CPT1C: variants seen among roughly 807,000 people sequenced by gnomAD.
CPT1C encodes palmitoyl thioesterase CPT1C.
CPT1C carries 61 observed loss-of-function variants against 97.3 expected under a neutral mutation model. The ratio of observed to expected loss-of-function variants is 0.63; its 90% CI spans 0.51 to 0.78. CPT1C has a LOEUF of 0.78. Among genes scored for constraint, CPT1C ranks in the 30% least tolerant of loss-of-function variants. The pLI is 0.00. For missense variants in CPT1C, 975 were observed against 1,065.5 expected (o/e 0.92, Z 1.18); for synonymous variants, 469 against 447.2 (o/e 1.05, Z -0.61).
Position 49,713,517 on chromosome 19 carries a change from C to T in CPT1C, c.2324C>T (p.Ser775Leu), listed in dbSNP as rs772906026. ...CATTTTAAGCGCCGGTTCAGAGGGT[C>T]AGGGAAGGAGAACTCCAGGCACAGG... ...GQHFKRRFRG[S>L]GKENSRHRCG... is the part of the protein sequence containing the mutation. The change falls in exon 20 of 20, where the codon TCA (serine) becomes TTA (leucine). Residue 775 changes from serine (S) to leucine (L), a missense_variant. By Grantham distance (145) the Ser-to-Leu change is moderately radical. Transcript: ENST00000598293. 8.7e-6 allele frequency: 14 copies of T among 1,614,120 alleles called. No homozygotes were observed. The highest frequency in any genetic ancestry group is 1.1e-5 in the Non-Finnish European group (13 of 1,180,054).
In CPT1C at chr19:49,712,802, G is replaced by T; in HGVS notation, c.2086G>T (p.Val696Phe). The T allele has an allele frequency of 2.5e-6, 4 of 1,614,040 alleles. No homozygotes were observed. Among genetic ancestry groups the T allele is most frequent in the Non-Finnish European group, 3.4e-6 (4 of 1,179,994 alleles). The change falls in exon 18 of 20, where the codon GTC becomes TTC. Residue 696 changes from valine to phenylalanine, a missense_variant. Physicochemically the swap from Val to Phe is conservative, Grantham distance 50. Coordinates refer to ENST00000598293, the MANE Select transcript of CPT1C (RefSeq NM_001199753.2). The stretch of plus-strand genomic sequence containing the variant: ...TGTTCAGCAAATGCATCTGTTTGAC[G>T]TCCACAATTACCCGGACTATGTTTC... The part of the protein sequence containing the change: ...IPVQQMHLFD[V>F]HNYPDYVSSG...
rs1349568107 is a variant in CPT1C at position 49,697,414 on chromosome 19, T to A, written c.230T>A (p.Leu77Gln). 3.1e-6 allele frequency: 5 copies of A among 1,614,092 alleles called. No individual in the cohort carries two copies. The highest frequency in any genetic ancestry group is 4.2e-6 in the Non-Finnish European group (5 of 1,180,038). ...SAIQLAWFLQ[L>Q]DPSLGLMEKI... is the part of the protein sequence containing the mutation. ...ATCCAGCTTGCCTGGTTCCTCCAGC[T>A]GGATCCTTCCTTAGGACTGATGGAG... The change falls in exon 4 of 20, where the codon CTG becomes CAG. Residue 77 changes from leucine to glutamine, a missense_variant. Leu to Gln is a moderately radical substitution (Grantham distance 113, BLOSUM62 -2). This residue lies in a region of CPT1C where 596 missense variants were observed against 603.1 expected (regional missense o/e 0.99). Coordinates refer to ENST00000598293, the MANE Select transcript of CPT1C (RefSeq NM_001199753.2).
Position 49,712,861 on chromosome 19 carries a change from T to TG in CPT1C, c.2133+15dup, listed in dbSNP as rs56405217. 1 allele frequency: 1,610,277 copies of TG among 1,610,416 alleles called. 805,070 individuals are homozygous for TG. Among genetic ancestry groups the TG allele is most frequent in the Middle Eastern group, 1 (6,048 of 6,048 alleles). The stretch of plus-strand genomic sequence containing the variant: ...GTGGATTCGGGCCTGTGAGTGGAGC[T>TG]GGGCGCGCTGGCCCCCAGAGGAAAG... On this transcript the variant is annotated intron_variant, in intron 18 of 19. Transcript: ENST00000598293.
chr19:49,694,628 CAA>C (rs1160047948), intron 3 of CPT1C, among the ~76,000 whole-genome samples: 31 of 64,800 alleles, frequency 4.8e-4, no homozygotes, highest in East Asian at 1.6e-3. Flanking sequence ...GACTCCGTTT[CAA>C]AAAAAAAAAA....
chr19:49,699,025 C>T (rs1344295129), intron 4 of CPT1C, among the ~76,000 whole-genome samples: 1 of 151,734 alleles, frequency 6.6e-6, no homozygotes, highest in African/African-American at 2.4e-5. Context: ...ATTGTTTGAA[C>T]CTGGGAGGCG....
intron 3 of CPT1C, among the ~76,000 whole-genome samples, chr19:49,695,858 C>G (rs537029265): frequency 4.0e-5 from 6 of 150,956 alleles, no homozygotes; most frequent in Non-Finnish European, 8.8e-5. Flanking sequence ...TGGGATTACA[C>G]GCATAAGCCA....
intron 4 of CPT1C, among the ~76,000 whole-genome samples, chr19:49,698,184 G>A (rs2082778564): frequency 6.6e-6 from 1 of 151,864 alleles, no homozygotes; most frequent in Non-Finnish European, 1.5e-5. Context: ...AAGCAACATG[G>A]TGAAACCCCG....
At position 49,706,667 on chromosome 19, in the gene CPT1C, C is replaced by T. The variant is rs1248507965; in HGVS notation, c.1343+254C>T. Among the ~76,000 whole-genome samples, 2 of 152,084 alleles carry T rather than the reference C, an allele frequency of 1.3e-5. No individual in the cohort carries two copies. The highest frequency in any genetic ancestry group is 6.6e-5 in the Admixed American group (1 of 15,256). On this transcript the variant is annotated intron_variant, in intron 12 of 19. Transcript: ENST00000598293. The surrounding 1 kb of genome is among the most constrained non-coding windows in gnomAD (Gnocchi z 4.8). ...GACCCCCAAATCTGAGACTCCCAAA[C>T]CCCTGAGCTGGACCCTCCGACCCAG...
rs561387786 is a variant in CPT1C at position 49,697,545 on chromosome 19, C to A, written c.281+80C>A. On this transcript the variant is annotated intron_variant, in intron 4 of 19. Coordinates refer to ENST00000598293, the MANE Select transcript of CPT1C (RefSeq NM_001199753.2). ...TAAGTTCCTCTGTCATTGTGGTGTA[C>A]CTGCTAAAGAAAAGTAACCTCTGAG... is the stretch of plus-strand genomic sequence containing the variant. The A allele has an allele frequency of 8.7e-6, 13 of 1,495,966 alleles. No individual in the cohort carries two copies. The East Asian group carries it at 3.0e-4, about 34-fold the overall frequency. The allele number at this position is 1,495,966 out of a possible 1,614,324, so 92.7% of individuals were successfully genotyped here. A position where few individuals can be genotyped will look rare whatever the true frequency, so the allele number is the denominator to read the frequency against.
chr19:49,708,002 C>CAAAAAAAAAAACAA (rs2083603967), intron 13 of CPT1C, among the ~76,000 whole-genome samples: 1 of 56,788 alleles, frequency 1.8e-5, no homozygotes, highest in Non-Finnish European at 3.5e-5. Flanking sequence ...GAATACATCT[C>CAAAAAAAAAAACAA]AAAAAAAAAA....
intron 3 of CPT1C, among the ~76,000 whole-genome samples, chr19:49,693,126 G>A (rs1244131418): frequency 6.6e-5 from 10 of 152,140 alleles, no homozygotes. Context: ...GACCTCAAGT[G>A]ATCTGCCTCC....
rs1382981597 is a variant in CPT1C at position 49,704,782 on chromosome 19, A to G, written c.766A>G (p.Met256Val). Residue 256 changes from methionine (M) to valine (V), a missense_variant, in exon 8 of 20, where the codon ATG becomes GTG. Physicochemically the swap from Met to Val is conservative, Grantham distance 21 (BLOSUM62 1). Transcript: ENST00000598293. The stretch of plus-strand genomic sequence containing the variant: ...GCTGATGGTGAACAGCAACTATTAC[A>G]TGATGGTGAGAAGGGGAGGGGTGAG... Reference protein sequence around the residue: ...NPLMVNSNYYMMDFLYVTPTP... With the variant: ...NPLMVNSNYYVMDFLYVTPTP... The G allele has an allele frequency of 7.4e-6, 12 of 1,613,598 alleles. No homozygotes were observed. Among genetic ancestry groups the G allele is most frequent in the South Asian group, 1.1e-5 (1 of 91,066 alleles).
chr19:49,699,134 A>G (rs1020134022), intron 4 of CPT1C, among the ~76,000 whole-genome samples: 2 of 152,000 alleles, frequency 1.3e-5, no homozygotes, highest in African/African-American at 2.4e-5. Context: ...TGCCTGTCAT[A>G]TAGTCAGTAG....
At chr19:49,698,836 C>G (rs2082824945) in intron 4 of CPT1C, among the ~76,000 whole-genome samples, 1 of 149,614 alleles carries the variant, frequency 6.7e-6, no homozygotes, top group African/African-American at 2.5e-5. Context: ...GATGTGGTGA[C>G]TCACACCTGT....
rs1278373083 is a variant in CPT1C, at chr19:49,701,649, C to G, written c.693+15C>G. 6.3e-7 allele frequency: 1 copy of G among 1,583,144 alleles called. No individual in the cohort carries two copies. Among genetic ancestry groups the G allele is most frequent in the African/African-American group, 1.4e-5 (1 of 73,978 alleles). ...CGTCCAATTATGTGAGTCCCGCCAC[C>G]GCCACCAACGCCCCACCTGAAGGGC... On this transcript the variant is annotated intron_variant, in intron 7 of 19. Coordinates refer to ENST00000598293, the MANE Select transcript of CPT1C (RefSeq NM_001199753.2).
Position 49,700,834 on chromosome 19 carries a change from C to G in CPT1C, c.432C>G (p.Ser144=). The G allele has an allele frequency of 6.2e-7, 1 of 1,612,950 alleles. No homozygotes were observed. The highest frequency in any genetic ancestry group is 8.5e-7 in the Non-Finnish European group (1 of 1,180,010). Residue 144 remains serine, a synonymous_variant, in exon 5 of 20, where the codon TCC becomes TCG. Transcript: ENST00000598293. ...TTCTTGAGCCCCACGGAGCCATGTC[C>G]TCCCCCACCAAGACCTGGCTGGTAT... The part of the protein sequence containing the change: ...GWLLEPHGAM[S]SPTKTWLALV...
rs77815842 is a variant in CPT1C at position 49,707,387 on chromosome 19, G to C, written c.1344-131G>C. On this transcript the variant is annotated intron_variant, in intron 12 of 19. Coordinates refer to ENST00000598293, the MANE Select transcript of CPT1C (RefSeq NM_001199753.2). ...ACTGGGGACCCCCAATGGTCCTAGA[G>C]ATCCCCATACCAGCACCCCAATGGA... 1.7e-3 allele frequency: 1,145 copies of C among 679,916 alleles called. 11 individuals are homozygous for C. In the African/African-American group the frequency reaches 0.019, roughly 11 times the overall value. 42.1% of individuals were successfully genotyped at this position (679,916 alleles called of 1,614,324 possible). A position where few individuals can be genotyped will look rare whatever the true frequency, so the allele number is the denominator to read the frequency against.
At chr19:49,701,930 TAA>T (rs1568520044) in intron 7 of CPT1C, among the ~76,000 whole-genome samples, 18 of 93,522 alleles carry the variant, frequency 1.9e-4, no homozygotes, top group South Asian at 5.4e-4. Context: ...ATACAAATAT[TAA>T]TATTTATAAA....
intron 7 of CPT1C, among the ~76,000 whole-genome samples, chr19:49,702,283 T>G (rs2083218707): frequency 6.7e-6 from 1 of 149,350 alleles, no homozygotes; most frequent in Non-Finnish European, 1.5e-5. Flanking sequence ...TGCTCCAGTA[T>G]TCTGAGCTTC....
Sources: allele counts gnomAD v4.1 joint callset (sites outside exome capture counted in the v4.1 genomes callset), GRCh38; gene constraint gnomAD v4.1.1; regional missense constraint gnomAD v4.1.1; non-coding constraint Gnocchi (gnomAD v3.1); transcripts MANE v1.5; gene names NCBI Gene and HGNC (gene_info 2026-07-23, HGNC 2026-07-21).